Variants in PARM1 observed in about 807,000 individuals in gnomAD.
PARM1 encodes WSC4, cell wall integrity and stress response component 4 homolog.
Under a neutral mutation model 24.6 loss-of-function variants are expected in PARM1, and 14 were observed. That is an observed-to-expected ratio of 0.57 (90% CI 0.38 to 0.89). The LOEUF is 0.89. Among genes scored for constraint, PARM1 ranks in the 40% least tolerant of loss-of-function variants. The pLI is 0.00. For synonymous variants in PARM1, 179 were observed against 156.6 expected (o/e 1.14, Z -1.07); for missense variants, 362 against 380.4 (o/e 0.95, Z 0.40).
intron 1 of PARM1, among the ~76,000 whole-genome samples, chr4:74,954,546 G>T: frequency 6.6e-6 from 1 of 152,198 alleles, no homozygotes; most frequent in Middle Eastern, 3.2e-3. Context: ...ACATAGCAAA[G>T]TATAGATTGA....
intron 2 of PARM1, among the ~76,000 whole-genome samples, chr4:75,024,991 A>G (rs772404947): frequency 1.1e-4 from 17 of 152,244 alleles, no homozygotes; most frequent in Non-Finnish European, 1.6e-4. Context: ...CACTGTTCCC[A>G]GCCCCTTTAG....
At chr4:75,042,179 A>T (rs1723502471) in intron 3 of PARM1, among the ~76,000 whole-genome samples, 1 of 152,240 alleles carries the variant, frequency 6.6e-6, no homozygotes. Flanking sequence ...ATAAGCAGTT[A>T]TCATCAAATA....
At chr4:75,003,632 A>T (rs1156787716) in intron 1 of PARM1, among the ~76,000 whole-genome samples, 1 of 152,222 alleles carries the variant, frequency 6.6e-6, no homozygotes, top group Non-Finnish European at 1.5e-5. Context: ...GTTTTGGGGC[A>T]TACACATTCT....
intron 3 of PARM1, among the ~76,000 whole-genome samples, chr4:75,044,771 CA>C (rs1723566845): frequency 6.6e-6 from 1 of 150,962 alleles, no homozygotes; most frequent in Non-Finnish European, 1.5e-5. Context: ...TTGGACTTAA[CA>C]GTTCCATGTG....
At chr4:74,976,207 G>T (rs1206515486) in intron 1 of PARM1, among the ~76,000 whole-genome samples, 1 of 152,214 alleles carries the variant, frequency 6.6e-6, no homozygotes, top group Non-Finnish European at 1.5e-5. Flanking sequence ...AGATGACCAG[G>T]TTCCTGGGGA....
chr4:74,997,294 A>C lies in PARM1; in HGVS notation c.44-15131A>C, dbSNP rs1360090738. Among the ~76,000 whole-genome samples the C allele has an allele frequency of 4.7e-4, 71 of 152,204 alleles. 1 individual carries two copies. The highest frequency in any genetic ancestry group is 4.5e-3 in the Admixed American group (68 of 15,276). On this transcript the variant is annotated intron_variant, in intron 1 of 3. Transcript: ENST00000307428. The stretch of plus-strand genomic sequence containing the variant: ...CACACCCATTTCCTTCTGAGTAGCT[A>C]TATGAAGAATGTGCACATTTGGCTG...
chr4:75,012,726 A>T lies in PARM1; in HGVS notation c.345A>T (p.Gly115=). ...CTGGGTTCTCGTCAACAAGCGGTGG[A>T]GTCCACTTAACAACCACGTTGGAGG... The part of the protein sequence containing the change: ...SPSGFSSTSG[G]VHLTTTLEEH... The change falls in exon 2 of 4, where the codon GGA becomes GGT. Residue 115 remains glycine (G), a synonymous_variant. Coordinates refer to ENST00000307428, the MANE Select transcript of PARM1 (RefSeq NM_015393.4). 2 of 1,613,980 alleles carry T rather than the reference A, an allele frequency of 1.2e-6. No homozygotes were observed. The highest frequency in any genetic ancestry group is 1.7e-6 in the Non-Finnish European group (2 of 1,179,872).
chr4:74,997,889 GA>G (rs1722605367), intron 1 of PARM1: 1 of 152,210 alleles, frequency 6.6e-6, no homozygotes, highest in Non-Finnish European at 1.5e-5. Flanking sequence ...GACGCATATA[GA>G]TTTATTCTAA....
intron 1 of PARM1, among the ~76,000 whole-genome samples, chr4:74,973,903 GAA>G (rs67226544): frequency 0.027 from 4,092 of 152,022 alleles, 79 homozygotes; most frequent in South Asian, 0.074. Flanking sequence ...GAGAGAGAAA[GAA>G]AGAGAGAGAG....
chr4:74,936,647 G>A (rs1417117872), intron 1 of PARM1, among the ~76,000 whole-genome samples: 1 of 151,738 alleles, frequency 6.6e-6, no homozygotes, highest in Non-Finnish European at 1.5e-5. Flanking sequence ...AGTAGAGACG[G>A]GGTTTCACCG....
Position 75,048,267 on chromosome 4 carries a change from C to T in PARM1, c.*2020C>T, listed in dbSNP as rs1480077324. On this transcript the variant is annotated 3_prime_UTR_variant, in exon 4 of 4. Transcript: ENST00000307428. Reference sequence around the variant, plus strand: ...AGTGTGGACGGAGAATGAGCAAGCCCCAGAAGTATTTTACAACCAGAGTGG... The same window carrying T: ...AGTGTGGACGGAGAATGAGCAAGCCTCAGAAGTATTTTACAACCAGAGTGG... 1 of 152,036 alleles carries T rather than the reference C, an allele frequency of 6.6e-6. No individual in the cohort carries two copies. The highest frequency in any genetic ancestry group is 1.5e-5 in the Non-Finnish European group (1 of 68,008). 9.4% of individuals were successfully genotyped at this position (152,036 alleles called of 1,614,324 possible). A position where few individuals can be genotyped will look rare whatever the true frequency, so the allele number is the denominator to read the frequency against.
chr4:75,016,240 A>T (rs1722984377), intron 2 of PARM1, among the ~76,000 whole-genome samples: 1 of 152,162 alleles, frequency 6.6e-6, no homozygotes, highest in South Asian at 2.1e-4. Flanking sequence ...TCAGGTGCTC[A>T]TTTACAAAGG....
chr4:74,933,530 T>G (rs1721112721), intron 1 of PARM1, among the ~76,000 whole-genome samples, 160 bp downstream of exon 1: 4 of 152,124 alleles, frequency 2.6e-5, no homozygotes, highest in African/African-American at 9.7e-5. Context: ...GACGTGCACC[T>G]TTGGCGGTCC....
At position 75,012,365 on chromosome 4, in the gene PARM1, CTATT is replaced by C. The variant is rs1187535209; in HGVS notation, c.44-58_44-55del. The C allele has an allele frequency of 1.1e-5, 17 of 1,553,232 alleles. No homozygotes were observed. In the Admixed American group the frequency reaches 2.8e-4, roughly 26 times the overall value. On this transcript the variant is annotated intron_variant, in intron 1 of 3. Coordinates refer to ENST00000307428, the MANE Select transcript of PARM1 (RefSeq NM_015393.4). ...ACAGCTGTGGGTAAAAGCCTTGCCT[CTATT>C]TCACATATTACCGTGTTTTCACATA...
chr4:75,000,680 G>A (rs1722662766), intron 1 of PARM1, among the ~76,000 whole-genome samples: 1 of 152,218 alleles, frequency 6.6e-6, no homozygotes, highest in South Asian at 2.1e-4. Flanking sequence ...GCACATAGAT[G>A]CCCTTAGTTG....
chr4:74,986,184 C>G (rs1313440305), intron 1 of PARM1, among the ~76,000 whole-genome samples: 1 of 152,084 alleles, frequency 6.6e-6, no homozygotes, highest in Non-Finnish European at 1.5e-5. Context: ...TGTTCAGATA[C>G]TAGTAAAAGC....
intron 1 of PARM1, among the ~76,000 whole-genome samples, chr4:74,946,186 C>A (rs1721407257): frequency 3.3e-5 from 5 of 152,204 alleles, no homozygotes; most frequent in Admixed American, 3.3e-4. Flanking sequence ...AGCCACAAAT[C>A]ACACAGTAGA....
chr4:75,030,726 C>T (rs193159607), intron 2 of PARM1, among the ~76,000 whole-genome samples: 3 of 152,284 alleles, frequency 2.0e-5, no homozygotes, highest in African/African-American at 7.2e-5. Flanking sequence ...GTCTCTAACT[C>T]ACAAATCCCA....
At chr4:75,033,720 T>C (rs187476585) in intron 2 of PARM1, among the ~76,000 whole-genome samples, 163 bp from the exon 3 acceptor site, 1 of 152,314 alleles carries the variant, frequency 6.6e-6, no homozygotes, top group African/African-American at 2.4e-5. Context: ...AAATCCTGGG[T>C]TTTATTCTAG....
Sources: gnomAD v4.1 joint callset for allele counts (sites outside exome capture counted in the v4.1 genomes callset) on GRCh38, gnomAD v4.1.1 for gene constraint, MANE v1.5 for transcripts, NCBI Gene and HGNC (gene_info 2026-07-23, HGNC 2026-07-21) for gene names.